The following C3orf70 variants were observed in gnomAD, a reference collection of about 807,000 sequenced individuals.
The protein encoded by C3orf70 is UPF0524 protein C3orf70.
A neutral mutation model predicts 20.7 loss-of-function variants in C3orf70; 15 were observed. That is an observed-to-expected ratio of 0.72 (90% CI 0.48 to 1.11). The LOEUF is 1.11. Ranked by LOEUF, C3orf70 falls within the 50% of genes most tolerant of loss-of-function variation. The probability of loss-of-function intolerance (pLI) is 0.00; values close to 1 mark genes in which losing one functional copy is unlikely to be tolerated. For synonymous variants in C3orf70, 161 were observed against 125.7 expected (o/e 1.28, Z -1.88); for missense variants, 332 against 317.6 (o/e 1.05, Z -0.34).
At chr3:185,137,750 G>T in intron 1 of C3orf70, among the ~76,000 whole-genome samples, 1 of 152,266 alleles carries the variant, frequency 6.6e-6, no homozygotes, top group South Asian at 2.1e-4. Flanking sequence ...CTAAAGCAGT[G>T]CTGAAAGGAA....
At chr3:185,103,581 A>G (rs1577322863) in intron 1 of C3orf70, among the ~76,000 whole-genome samples, 1 of 152,366 alleles carries the variant, frequency 6.6e-6, no homozygotes, top group East Asian at 1.9e-4. Flanking sequence ...GCCAACAAGC[A>G]TATGAAAAAA....
At chr3:185,149,035 T>G (rs1488251587) in intron 1 of C3orf70, among the ~76,000 whole-genome samples, 1 of 152,232 alleles carries the variant, frequency 6.6e-6, no homozygotes, top group African/African-American at 2.4e-5. Context: ...ATTCTCAGAT[T>G]TGGCAAACAA....
chr3:185,149,367 G>A (rs1000646617), intron 1 of C3orf70, among the ~76,000 whole-genome samples: 4 of 150,034 alleles, frequency 2.7e-5, no homozygotes, highest in South Asian at 2.1e-4. Context: ...ACTCCAGCCC[G>A]GGCAACAAGA....
intron 1 of C3orf70, among the ~76,000 whole-genome samples, chr3:185,115,713 T>G (rs1226374301): frequency 1.3e-5 from 2 of 152,208 alleles, no homozygotes; most frequent in Non-Finnish European, 2.9e-5. Context: ...ATAGCCTGTA[T>G]GGCTTATAAA....
intron 1 of C3orf70, among the ~76,000 whole-genome samples, chr3:185,097,080 C>T (rs1342496787): frequency 1.3e-5 from 2 of 152,126 alleles, no homozygotes; most frequent in Non-Finnish European, 2.9e-5. Flanking sequence ...TAAACTTCCT[C>T]CCCATTTAAT....
At chr3:185,106,467 G>T (rs1222866768) in intron 1 of C3orf70, among the ~76,000 whole-genome samples, 1 of 152,156 alleles carries the variant, frequency 6.6e-6, no homozygotes, top group Non-Finnish European at 1.5e-5. Flanking sequence ...AAATCAGCAA[G>T]TCAGGCCGCC....
chr3:185,085,905 C>T (rs944457035), intron 1 of C3orf70, among the ~76,000 whole-genome samples: 2 of 152,128 alleles, frequency 1.3e-5, no homozygotes, highest in African/African-American at 2.4e-5. Context: ...GTAAATAAAA[C>T]GCGGAATGAA....
intron 1 of C3orf70, among the ~76,000 whole-genome samples, chr3:185,118,089 A>T (rs1716219620): frequency 6.6e-6 from 1 of 152,170 alleles, no homozygotes; most frequent in Non-Finnish European, 1.5e-5. Context: ...AAAAGGCAGG[A>T]GTGTGTCTAG....
intron 1 of C3orf70, among the ~76,000 whole-genome samples, chr3:185,092,632 T>C (rs1176576457): frequency 1.3e-5 from 2 of 152,268 alleles, no homozygotes; most frequent in South Asian, 2.1e-4. Flanking sequence ...TGAAAAGATA[T>C]AAATGATTAA....
At chr3:185,099,874 C>T (rs948531700) in intron 1 of C3orf70, among the ~76,000 whole-genome samples, 5 of 152,160 alleles carry the variant, frequency 3.3e-5, no homozygotes, top group Admixed American at 2.6e-4. Context: ...AAAAATCTAC[C>T]AAGCAAATGG....
In C3orf70 at chr3:185,148,784, C is replaced by A. The variant is rs1716926065; in HGVS notation, c.196+3844G>T. ...AACAGAACATATGATGCTTTCCTCC[C>A]AGGCAACATCCTCAAAAATGCGCCA... is the stretch of plus-strand genomic sequence containing the variant. On this transcript the variant is annotated intron_variant, in intron 1 of 1. Coordinates refer to ENST00000335012, the MANE Select transcript of C3orf70 (RefSeq NM_001025266.3). Among the ~76,000 whole-genome samples, 3 of 152,284 alleles carry A rather than the reference C, an allele frequency of 2.0e-5. No homozygotes were observed. In the South Asian group the frequency reaches 6.2e-4, roughly 32 times the overall value.
At chr3:185,087,299 GAT>G (rs1715478839) in intron 1 of C3orf70, among the ~76,000 whole-genome samples, 1 of 152,194 alleles carries the variant, frequency 6.6e-6, no homozygotes, top group Non-Finnish European at 1.5e-5. Flanking sequence ...GCATCAGTTT[GAT>G]CCAGCAATTC....
chr3:185,085,151 A>G (rs761277977), intron 1 of C3orf70, among the ~76,000 whole-genome samples: 24 of 152,280 alleles, frequency 1.6e-4, no homozygotes, highest in Middle Eastern at 3.4e-3. Context: ...CTTCATGAGC[A>G]TCTTTTTGCA....
Position 185,110,754 on chromosome 3 carries a change from T to G in C3orf70, c.197-27191A>C, listed in dbSNP as rs556433170. On this transcript the variant is annotated intron_variant, in intron 1 of 1. Transcript: ENST00000335012. Reference sequence around the variant, plus strand: ...GCCACAAACAATAGCATGAGCGATCTGTGCCTTAAGGACATGCTCCTGCTG... The same window carrying G: ...GCCACAAACAATAGCATGAGCGATCGGTGCCTTAAGGACATGCTCCTGCTG... 3.9e-5 allele frequency among the ~76,000 whole-genome samples: 6 copies of G among 152,398 alleles called. No individual in the cohort carries two copies. In the East Asian group the frequency reaches 1.2e-3, roughly 29 times the overall value.
Position 185,082,828 on chromosome 3 carries a change from G to T in C3orf70, c.*179C>A. The T allele has an allele frequency of 1.6e-6, 1 of 617,922 alleles. No homozygotes were observed. The highest frequency in any genetic ancestry group is 2.8e-6 in the Non-Finnish European group (1 of 352,808). The allele number at this position is 617,922 out of a possible 1,614,324, so 38.3% of individuals were successfully genotyped here. ...AAAAGAAAACTGTTTATAATAAAAA[G>T]AATGTCTTAGTTGTAAGACGGAGAG... On this transcript the variant is annotated 3_prime_UTR_variant, in exon 2 of 2. Coordinates refer to ENST00000335012, the MANE Select transcript of C3orf70 (RefSeq NM_001025266.3).
At chr3:185,123,178 C>CAAAAA (rs34803531) in intron 1 of C3orf70, among the ~76,000 whole-genome samples, 1 of 91,330 alleles carries the variant, frequency 1.1e-5, no homozygotes, top group Admixed American at 1.4e-4. Flanking sequence ...GACTCCATCT[C>CAAAAA]AAAAAAAAAA....
At position 185,152,767 on chromosome 3, in the gene C3orf70, A is replaced by C. The variant is rs763549091; in HGVS notation, c.57T>G (p.Asp19Glu). The C allele has an allele frequency of 2.5e-6, 4 of 1,585,584 alleles. No individual in the cohort carries two copies. Among genetic ancestry groups the C allele is most frequent in the Non-Finnish European group, 2.6e-6 (3 of 1,166,672 alleles). ...AACTCCGCGCCAGGGCCTGAGCCTC[A>C]TCTAGTTTCTCGCTCTTCCAACCCC... ...SERGWKSEKL[D>E]EAQALARSCA... Residue 19 changes from aspartate (D) to glutamate (E), a missense_variant, in exon 1 of 2, where the codon GAT (aspartate) becomes GAG (glutamate). Asp to Glu is a conservative substitution (Grantham distance 45). Transcript: ENST00000335012.
intron 1 of C3orf70, among the ~76,000 whole-genome samples, chr3:185,131,887 A>T (rs1716530046): frequency 6.6e-6 from 1 of 152,246 alleles, no homozygotes. Context: ...AAAAGTTATC[A>T]TCAGTGTAAG....
intron 1 of C3orf70, among the ~76,000 whole-genome samples, chr3:185,147,089 A>G (rs1364079713): frequency 1.3e-5 from 2 of 152,124 alleles, no homozygotes; most frequent in Non-Finnish European, 2.9e-5. Flanking sequence ...ATTTGTCTCT[A>G]TTTCTATGCT....
Sources: gnomAD v4.1 joint callset for allele counts (sites outside exome capture counted in the v4.1 genomes callset) on GRCh38, gnomAD v4.1.1 for gene constraint, MANE v1.5 for transcripts, NCBI Gene and HGNC (gene_info 2026-07-23, HGNC 2026-07-21) for gene names.